ARHGEF10: variants seen among roughly 807,000 people sequenced by gnomAD.
ARHGEF10 encodes Rho guanine nucleotide exchange factor 10, also known as Rho guanine nucleotide exchange factor (GEF) 10.
A neutral mutation model predicts 147.4 loss-of-function variants in ARHGEF10; 140 were observed. The ratio of observed to expected loss-of-function variants is 0.95; its 90% confidence interval spans 0.83 to 1.09. The LOEUF (loss-of-function observed/expected upper bound fraction) is 1.09, where lower values mean the gene tolerates loss of function less well. ARHGEF10 is among the 50% of genes least tolerant of loss of function. ARHGEF10 has a pLI of 0.00. For synonymous variants in ARHGEF10, 902 were observed against 695.8 expected (o/e 1.30, Z -4.67); for missense variants, 2,222 against 1,752.7 (o/e 1.27, Z -4.78).
At chr8:1,848,775 T>C (rs1804746313) in intron 2 of ARHGEF10, among the ~76,000 whole-genome samples, 1 of 152,148 alleles carries the variant, frequency 6.6e-6, no homozygotes, top group South Asian at 2.1e-4. Context: ...GTTTTAGAAG[T>C]AGTCTTTTTT....
Position 1,957,101 on chromosome 8 carries a change from G to C in ARHGEF10, c.3873G>C (p.Leu1291=). The C allele has an allele frequency of 1.2e-6, 2 of 1,613,332 alleles. No individual in the cohort carries two copies. Among genetic ancestry groups the C allele is most frequent in the Non-Finnish European group, 1.7e-6 (2 of 1,180,048 alleles). Residue 1291 remains leucine (L), a synonymous_variant, in exon 29 of 29, where the codon CTG becomes CTC. Coordinates refer to ENST00000349830, the MANE Select transcript of ARHGEF10 (RefSeq NM_014629.4). The stretch of plus-strand genomic sequence containing the variant: ...ATCTCCTGAAGGATCCTGTCTCGCT[G>C]AGAAGCAAAGCACGCCGGGCCAAGA... The part of the protein sequence containing the change: ...IYDLLKDPVS[L]RSKARRAKKA...
intron 27 of ARHGEF10, 55 bp from the exon 28 acceptor site, chr8:1,952,650 C>T (rs935628090): frequency 1.6e-5 from 25 of 1,609,202 alleles, no homozygotes; most frequent in East Asian, 2.2e-5. Context: ...CGTCACCGCC[C>T]CACCAACTCT....
At position 1,945,631 on chromosome 8, in the gene ARHGEF10, A is replaced by C. The variant is rs1301524983; in HGVS notation, c.3373A>C (p.Thr1125Pro). 8.7e-6 allele frequency: 14 copies of C among 1,614,018 alleles called. No individual in the cohort carries two copies. Among genetic ancestry groups the C allele is most frequent in the Non-Finnish European group, 1.0e-5 (12 of 1,180,006 alleles). ...LKHLQDINIA[T>P]PVHNMLPGHQ... Reference sequence around the variant, plus strand: ...GCACCTGCAGGACATCAACATCGCCACCCCTGTTCACAACATGCTGCCAGG... The same window carrying C: ...GCACCTGCAGGACATCAACATCGCCCCCCCTGTTCACAACATGCTGCCAGG... Residue 1125 changes from threonine to proline, a missense_variant, in exon 27 of 29, where the codon ACC (threonine) becomes CCC (proline). By Grantham distance (38) the Thr-to-Pro change is conservative (BLOSUM62 -1). Coordinates refer to ENST00000349830, the MANE Select transcript of ARHGEF10 (RefSeq NM_014629.4).
chr8:1,904,686 G>A (rs1175834293), intron 16 of ARHGEF10, among the ~76,000 whole-genome samples: 2 of 152,260 alleles, frequency 1.3e-5, no homozygotes, highest in East Asian at 1.9e-4. Flanking sequence ...ATGCCTCATC[G>A]TTCCCGTGCA....
At chr8:1,930,344 A>C in intron 25 of ARHGEF10, among the ~76,000 whole-genome samples, 1 of 141,142 alleles carries the variant, frequency 7.1e-6, no homozygotes, top group Non-Finnish European at 1.6e-5. Flanking sequence ...GTCCCAGCTC[A>C]CTCCCCCATC....
In ARHGEF10 at chr8:1,928,440, C is replaced by T; in HGVS notation, c.2711C>T (p.Thr904Ile). The T allele has an allele frequency of 6.2e-7, 1 of 1,613,226 alleles. No homozygotes were observed. Among genetic ancestry groups the T allele is most frequent in the Non-Finnish European group, 8.5e-7 (1 of 1,179,540 alleles). The change falls in exon 24 of 29, where the codon ACC (threonine) becomes ATC (isoleucine). Residue 904 changes from threonine (T) to isoleucine (I), a missense_variant. By Grantham distance (89) the Thr-to-Ile change is moderately conservative. Transcript: ENST00000349830. ...TCTCTGATTCAGATCGGAAGTTGCACCCATCAAATGGGTCAGATTGCCATC... is the reference window on the plus strand; with the variant it reads ...TCTCTGATTCAGATCGGAAGTTGCATCCATCAAATGGGTCAGATTGCCATC... ...AHGFLWIGSC[T>I]HQMGQIAIVS...
At chr8:1,864,575 T>TGGGAGGGACC in intron 5 of ARHGEF10, 139 bp downstream of exon 5, 1 of 828,388 alleles carries the variant, frequency 1.2e-6, no homozygotes, top group Non-Finnish European at 2.1e-6. Flanking sequence ...ACCTCCTGCC[T>TGGGAGGGACC]CGGGTCCCTC....
In ARHGEF10 at chr8:1,888,345, C is replaced by G. The variant is rs938314688; in HGVS notation, c.1182+2638C>G. On this transcript the variant is annotated intron_variant, in intron 11 of 28. Coordinates refer to ENST00000349830, the MANE Select transcript of ARHGEF10 (RefSeq NM_014629.4). ...GTGGGATGTTGACTGTGAGGAGACACTGAGTGGGGTGAGGGTTGTGAGGAG... is the reference window on the plus strand; with the variant it reads ...GTGGGATGTTGACTGTGAGGAGACAGTGAGTGGGGTGAGGGTTGTGAGGAG... 6.9e-4 allele frequency among the ~76,000 whole-genome samples: 80 copies of G among 116,326 alleles called. 1 individual carries two copies. In the East Asian group the frequency reaches 9.0e-3, roughly 13 times the overall value. 76.3% of individuals were successfully genotyped at this position (116,326 alleles called of 152,430 possible).
At chr8:1,850,794 G>A (rs909602369) in intron 2 of ARHGEF10, among the ~76,000 whole-genome samples, 3 of 152,190 alleles carry the variant, frequency 2.0e-5, no homozygotes, top group Non-Finnish European at 2.9e-5. Flanking sequence ...CCCAGAAGCA[G>A]CCATGATGTC....
intron 18 of ARHGEF10, among the ~76,000 whole-genome samples, chr8:1,915,837 G>A (rs543805348): frequency 6.6e-6 from 1 of 152,326 alleles, no homozygotes; most frequent in South Asian, 2.1e-4. Flanking sequence ...GTGATCTGCT[G>A]ATGCCAAAAT....
At chr8:1,857,187 C>G (rs980761012) in intron 2 of ARHGEF10, among the ~76,000 whole-genome samples, 1 of 152,164 alleles carries the variant, frequency 6.6e-6, no homozygotes, top group Admixed American at 6.5e-5. Flanking sequence ...CACTGATTTT[C>G]TAACCATCAG....
chr8:1,862,478 G>A (rs773970723), intron 4 of ARHGEF10, among the ~76,000 whole-genome samples: 9 of 152,268 alleles, frequency 5.9e-5, no homozygotes, highest in African/African-American at 9.6e-5. Flanking sequence ...GCTCGGAGCT[G>A]TTTAGGCGAC....
At chr8:1,939,470 C>G (rs1405945412) in intron 26 of ARHGEF10, among the ~76,000 whole-genome samples, 2 of 152,152 alleles carry the variant, frequency 1.3e-5, no homozygotes, top group Non-Finnish European at 2.9e-5. Context: ...GGGCAACACT[C>G]CCTCCAGGCC....
chr8:1,919,972 TGTGGGTG>T (rs1812125560), intron 18 of ARHGEF10, among the ~76,000 whole-genome samples: 1 of 147,230 alleles, frequency 6.8e-6, no homozygotes, highest in African/African-American at 2.5e-5. Flanking sequence ...GGAGCTGTTC[TGTGGGTG>T]ATGAGCTGTT....
intron 2 of ARHGEF10, among the ~76,000 whole-genome samples, chr8:1,849,669 GTGGC>G (rs1804868163): frequency 2.9e-4 from 38 of 131,820 alleles, no homozygotes; most frequent in African/African-American, 9.2e-4. Context: ...AGGGCGTGGG[GTGGC>G]CACGTGGGCA....
intron 10 of ARHGEF10, among the ~76,000 whole-genome samples, chr8:1,885,353 T>C (rs1808566621): frequency 6.6e-6 from 1 of 152,216 alleles, no homozygotes; most frequent in African/African-American, 2.4e-5. Flanking sequence ...CAAATGGCAC[T>C]TCTCCTTTTT....
At chr8:1,881,369 A>G (rs1808180273) in intron 9 of ARHGEF10, among the ~76,000 whole-genome samples, 1 of 152,172 alleles carries the variant, frequency 6.6e-6, no homozygotes, top group African/African-American at 2.4e-5. Context: ...CGCTGGCTGA[A>G]AACCAAGGGT....
chr8:1,880,754 T>G (rs977023789), intron 9 of ARHGEF10, among the ~76,000 whole-genome samples: 1 of 152,178 alleles, frequency 6.6e-6, no homozygotes, highest in African/African-American at 2.4e-5. Flanking sequence ...AAGGGCACTG[T>G]CAAGTACTGT....
At chr8:1,910,379 T>C (rs996258042) in intron 18 of ARHGEF10, among the ~76,000 whole-genome samples, 1 of 152,220 alleles carries the variant, frequency 6.6e-6, no homozygotes, top group African/African-American at 2.4e-5. Context: ...ACCGCTTTTA[T>C]TTTTCTCATT....
Sources: allele counts gnomAD v4.1 joint callset (sites outside exome capture counted in the v4.1 genomes callset), GRCh38; gene constraint gnomAD v4.1.1; transcripts MANE v1.5; gene names NCBI Gene and HGNC (gene_info 2026-07-23, HGNC 2026-07-21).